Variants in PDE4B observed in about 807,000 individuals in gnomAD.
PDE4B encodes phosphodiesterase 4B.
Under a neutral mutation model 82.2 loss-of-function variants are expected in PDE4B, and 20 were observed. That is an observed-to-expected ratio of 0.24 (90% CI 0.17 to 0.35). PDE4B has a LOEUF of 0.35. PDE4B is among the 10% of genes least tolerant of loss of function. The pLI is 1.00. For missense variants in PDE4B, 655 were observed against 907.2 expected (o/e 0.72, Z 3.57); for synonymous variants, 320 against 318.9 (o/e 1.00, Z -0.04).
At chr1:65,818,663 C>T (rs1645913347) in intron 1 of PDE4B, among the ~76,000 whole-genome samples, 1 of 117,472 alleles carries the variant, frequency 8.5e-6, no homozygotes, top group Non-Finnish European at 1.7e-5. Flanking sequence ...TATATGCATA[C>T]ATATATATTC....
chr1:66,142,159 T>G (rs1339473914), intron 3 of PDE4B, among the ~76,000 whole-genome samples: 2 of 152,158 alleles, frequency 1.3e-5, no homozygotes, highest in Admixed American at 6.5e-5. Flanking sequence ...CCTTGTTATC[T>G]TCATGTTGAG....
rs184473711 is a variant in PDE4B, at chr1:66,150,369, T to G, written c.282-97091T>G. On this transcript the variant is annotated intron_variant, in intron 3 of 16. Coordinates refer to ENST00000341517, the MANE Select transcript of PDE4B (RefSeq NM_002600.4). ...GCTAACATATGGAAATAAAATTGAT[T>G]TTTATATGTTGATCTTTTGTCCTGC... is the stretch of plus-strand genomic sequence containing the variant. 4.6e-5 allele frequency among the ~76,000 whole-genome samples: 7 copies of G among 152,342 alleles called. No individual in the cohort carries two copies. The East Asian group carries it at 1.3e-3, about 29-fold the overall frequency.
intron 4 of PDE4B, among the ~76,000 whole-genome samples, chr1:66,250,692 C>T (rs1298161075): frequency 2.0e-5 from 3 of 152,176 alleles, no homozygotes. Flanking sequence ...AAACGTAATG[C>T]CTTCGTATAC....
At chr1:65,848,621 T>A (rs1646294163) in intron 1 of PDE4B, among the ~76,000 whole-genome samples, 1 of 152,220 alleles carries the variant, frequency 6.6e-6, no homozygotes. Flanking sequence ...TTCTAAAGTT[T>A]CATATAAATG....
At chr1:66,318,460 C>T (rs1483724505) in intron 7 of PDE4B, among the ~76,000 whole-genome samples, 1 of 152,222 alleles carries the variant, frequency 6.6e-6, no homozygotes, top group Non-Finnish European at 1.5e-5. Context: ...CAAACTGCCT[C>T]AGTCTGAATC....
chr1:65,818,788 A>G (rs1033629419), intron 1 of PDE4B, among the ~76,000 whole-genome samples: 1 of 151,846 alleles, frequency 6.6e-6, no homozygotes, highest in Non-Finnish European at 1.5e-5. Flanking sequence ...CAGGTAAAGA[A>G]ATGGAAGCTT....
intron 3 of PDE4B, among the ~76,000 whole-genome samples, chr1:66,108,472 T>G (rs1208154190): frequency 6.6e-6 from 1 of 152,068 alleles, no homozygotes; most frequent in East Asian, 1.9e-4. Flanking sequence ...AAAAAGCTTC[T>G]GCACAGCAAA....
At chr1:66,023,956 G>GA (rs781760203) in intron 3 of PDE4B, among the ~76,000 whole-genome samples, 37 of 151,296 alleles carry the variant, frequency 2.4e-4, no homozygotes, top group African/African-American at 3.4e-4. Flanking sequence ...GAAAGAAAAA[G>GA]AAAAAAAATA....
intron 1 of PDE4B, among the ~76,000 whole-genome samples, chr1:65,850,720 C>G (rs1317969555): frequency 6.6e-6 from 1 of 151,820 alleles, no homozygotes; most frequent in Admixed American, 6.6e-5. Flanking sequence ...GTGGGTGTAC[C>G]CCCAAATATA....
At chr1:65,831,162 G>C (rs886843419) in intron 1 of PDE4B, among the ~76,000 whole-genome samples, 1 of 151,746 alleles carries the variant, frequency 6.6e-6, no homozygotes, top group Non-Finnish European at 1.5e-5. Context: ...TAAAAACAAA[G>C]CAAGCAGAAG....
chr1:66,058,612 C>T (rs1001307349), intron 3 of PDE4B, among the ~76,000 whole-genome samples: 2 of 152,302 alleles, frequency 1.3e-5, no homozygotes, highest in Non-Finnish European at 2.9e-5. Context: ...ACCTGCAGAC[C>T]CAACACCATG....
At chr1:65,904,043 G>C (rs1253751917) in intron 1 of PDE4B, among the ~76,000 whole-genome samples, 1 of 152,174 alleles carries the variant, frequency 6.6e-6, no homozygotes, top group Non-Finnish European at 1.5e-5. Context: ...GAAATTTTGT[G>C]TGCTTGCTTG....
intron 3 of PDE4B, among the ~76,000 whole-genome samples, chr1:66,064,552 G>A (rs975734079): frequency 1.3e-5 from 2 of 151,994 alleles, no homozygotes; most frequent in Non-Finnish European, 2.9e-5. Context: ...GGTATTTACT[G>A]TTAGCCAAAT....
intron 1 of PDE4B, among the ~76,000 whole-genome samples, chr1:65,811,160 A>T (rs1645815061): frequency 6.6e-6 from 1 of 152,226 alleles, no homozygotes; most frequent in African/African-American, 2.4e-5. Context: ...ACATTATCTC[A>T]TCTTATCCTT....
chr1:65,982,934 A>C (rs914108849), intron 3 of PDE4B, among the ~76,000 whole-genome samples: 1 of 152,208 alleles, frequency 6.6e-6, no homozygotes, highest in Non-Finnish European at 1.5e-5. Flanking sequence ...CATTGGTTCC[A>C]GAAAAATAGG....
chr1:65,951,443 A>G (rs1003302372), intron 3 of PDE4B, among the ~76,000 whole-genome samples: 1 of 152,044 alleles, frequency 6.6e-6, no homozygotes, highest in African/African-American at 2.4e-5. Context: ...AAATTTATGC[A>G]TTCTTTTTGT....
At chr1:66,106,122 C>G (rs1181891777) in intron 3 of PDE4B, among the ~76,000 whole-genome samples, 1 of 152,132 alleles carries the variant, frequency 6.6e-6, no homozygotes, top group Admixed American at 6.6e-5. Flanking sequence ...CCATCAATAC[C>G]TAATTTATTG....
intron 1 of PDE4B, among the ~76,000 whole-genome samples, chr1:65,832,949 G>T (rs1646099523): frequency 6.6e-6 from 1 of 152,164 alleles, no homozygotes; most frequent in Non-Finnish European, 1.5e-5. Flanking sequence ...TGAGCTCAGG[G>T]AATATAGCCC....
chr1:66,152,482 C>T (rs770635472), intron 3 of PDE4B: 2 of 315,558 alleles, frequency 6.3e-6, no homozygotes, highest in South Asian at 5.4e-5. Flanking sequence ...TTTAACACAG[C>T]ATTGGAAGCC....
Sources: gnomAD v4.1 joint callset for allele counts (sites outside exome capture counted in the v4.1 genomes callset) on GRCh38, gnomAD v4.1.1 for gene constraint, MANE v1.5 for transcripts, NCBI Gene and HGNC (gene_info 2026-07-23, HGNC 2026-07-21) for gene names.